ZNF416: variants seen among roughly 807,000 people sequenced by gnomAD.
The protein encoded by ZNF416 is zinc finger protein 416.
ZNF416 carries 5 observed loss-of-function variants against 10.9 expected under a neutral mutation model. That is an observed-to-expected ratio of 0.46 (90% CI 0.24 to 0.97). ZNF416 has a LOEUF of 0.97. Among genes scored for constraint, ZNF416 ranks in the 50% least tolerant of loss-of-function variants. The pLI is 0.19. For synonymous variants in ZNF416, 267 were observed against 251.8 expected, an observed-to-expected ratio of 1.06 and a Z score of -0.57; for missense variants, 675 against 715.0, an observed-to-expected ratio of 0.94 and a Z score of 0.64.
rs754259435 is a variant in ZNF416, at chr19:57,573,476, T to C, written c.428A>G (p.His143Arg). ...ACTTTCCAAGGGTTTCTCTGCACTA[T>C]GATGCTTCTGGTCCTGGTGAAAGAC... ...CAVFHQDQKHHSAEKPLESDM... is the reference protein window; with the variant it reads ...CAVFHQDQKHRSAEKPLESDM... The change falls in exon 4 of 4, where the codon CAT becomes CGT. Residue 143 changes from histidine (H) to arginine (R), a missense_variant. Transcript: ENST00000196489. 1 of 1,614,224 alleles carries C rather than the reference T, an allele frequency of 6.2e-7. No individual in the cohort carries two copies. The highest frequency in any genetic ancestry group is 8.5e-7 in the Non-Finnish European group (1 of 1,180,034).
In ZNF416 at chr19:57,575,084, G is replaced by A. The variant is rs182981159; in HGVS notation, c.202+720C>T. ...GAAGAGGAAGAAAACATAGAAATGA[G>A]ATGTGTCCAGTGGCATTAGCACCAA... On this transcript the variant is annotated intron_variant, in intron 3 of 3. Transcript: ENST00000196489. This position sits in a 1 kb window ranked among gnomAD's most constrained non-coding sequence, Gnocchi z 4.4. Among the ~76,000 whole-genome samples the A allele has an allele frequency of 2.2e-4, 33 of 152,306 alleles. No homozygotes were observed. Among genetic ancestry groups the A allele is most frequent in the Admixed American group, 2.1e-3 (32 of 15,304 alleles).
Position 57,575,881 on chromosome 19 carries a change from C to A in ZNF416, c.125G>T (p.Trp42Leu). Residue 42 changes from tryptophan (W) to leucine (L), a missense_variant, in exon 3 of 4, where the codon TGG becomes TTG. By Grantham distance (61) the Trp-to-Leu change is moderately conservative. Transcript: ENST00000196489. The surrounding 1 kb of genome is among the most constrained non-coding windows in gnomAD (Gnocchi z 4.4). ...DVAIYFSQEE[W>L]GLLDEAQRLL... ...CCTCTGAGCCTCATCAAGGAGCCCCCATTCTTCCTGGGAGAAGTAAATGGC... is the reference window on the plus strand; with the variant it reads ...CCTCTGAGCCTCATCAAGGAGCCCCAATTCTTCCTGGGAGAAGTAAATGGC... The A allele has an allele frequency of 1.2e-6, 2 of 1,614,128 alleles. No homozygotes were observed. Among genetic ancestry groups the A allele is most frequent in the Non-Finnish European group, 8.5e-7 (1 of 1,180,024 alleles).
intron 1 of ZNF416, chr19:57,578,359 G>C (rs933842216): frequency 1.0e-5 from 6 of 575,004 alleles, no homozygotes; most frequent in Non-Finnish European, 1.5e-5. Flanking sequence ...GTCTAACTCA[G>C]ACCATGTGCC....
chr19:57,578,404 C>T (rs530519852), intron 1 of ZNF416: 1 of 524,592 alleles, frequency 1.9e-6, no homozygotes, highest in East Asian at 3.0e-5. Context: ...CTCTCAGCGT[C>T]TTGAAAAGAA....
intron 2 of ZNF416, among the ~76,000 whole-genome samples, chr19:57,576,324 T>C (rs1978532944): frequency 6.6e-6 from 1 of 152,104 alleles, no homozygotes; most frequent in Admixed American, 6.5e-5. Context: ...CATATGCACA[T>C]CACTCTTTGA....
chr19:57,577,350 C>T (rs1262998533), intron 2 of ZNF416, among the ~76,000 whole-genome samples: 1 of 152,216 alleles, frequency 6.6e-6, no homozygotes, highest in Non-Finnish European at 1.5e-5. Flanking sequence ...ACTGACTCTA[C>T]TACCAACTTT....
At position 57,578,678 on chromosome 19, in the gene ZNF416, C is replaced by A; in HGVS notation, c.27G>T (p.Ser9=). The A allele has an allele frequency of 6.4e-7, 1 of 1,555,342 alleles. No homozygotes were observed. Residue 9 remains serine (S), a synonymous_variant, in exon 1 of 4, where the codon TCG becomes TCT. Transcript: ENST00000196489. MAAAVLRD[S]TSVPVTAEAK... ...CGGGAGACGCAGCACTCACCGAAGT[C>A]GAATCCCTAAGCACGGCCGCCGCCA... is the stretch of plus-strand genomic sequence containing the variant.
intron 1 of ZNF416, 186 bp downstream of exon 1, chr19:57,578,486 C>T (rs1978630911): frequency 3.3e-6 from 2 of 603,540 alleles, no homozygotes; most frequent in South Asian, 3.0e-5. Context: ...CAGAAACCGG[C>T]CCCTCCGCCT....
chr19:57,578,634 G>A (rs1263570978), intron 1 of ZNF416, 38 bp downstream of exon 1: 3 of 1,519,790 alleles, frequency 2.0e-6, no homozygotes, highest in African/African-American at 2.8e-5. Context: ...GATTTCCGGC[G>A]GAGAGGGCAG....
In ZNF416 at chr19:57,572,608, G is replaced by A. The variant is rs900753030; in HGVS notation, c.1296C>T (p.His432=). ...KCGLIQHQLI[H]SGARPFECDE... ...CACACTCAAAGGGCCTAGCTCCACTGTGAATTAACTGGTGCTGAATGAGGC... is the reference window on the plus strand; with the variant it reads ...CACACTCAAAGGGCCTAGCTCCACTATGAATTAACTGGTGCTGAATGAGGC... The change falls in exon 4 of 4, where the codon CAC becomes CAT. Residue 432 remains histidine, a synonymous_variant. Transcript: ENST00000196489. The surrounding 1 kb of genome is among the most constrained non-coding windows in gnomAD (Gnocchi z 4.5). 9 of 1,614,042 alleles carry A rather than the reference G, an allele frequency of 5.6e-6. No individual in the cohort carries two copies. Among genetic ancestry groups the A allele is most frequent in the Non-Finnish European group, 7.6e-6 (9 of 1,180,042 alleles).
In ZNF416 at chr19:57,573,254, C is replaced by T; in HGVS notation, c.650G>A (p.Trp217Ter). ...GCTGGACTCTCTCCTGCATTGACTC[C>T]ACTTGTAATGACTTATTCCAACATG... The part of the protein sequence containing the change: ...AFHVGISHYK[W>*]SQCRRESSHK... Residue 217 changes from tryptophan to a stop codon, truncating the protein, a stop_gained, in exon 4 of 4, where the codon TGG becomes TAG. Transcript: ENST00000196489. LOFTEE classifies it low-confidence loss of function (END_TRUNC). 6.2e-7 allele frequency: 1 copy of T among 1,614,242 alleles called. No individual in the cohort carries two copies. The highest frequency in any genetic ancestry group is 8.5e-7 in the Non-Finnish European group (1 of 1,180,048).
chr19:57,578,751 G>C lies in ZNF416; in HGVS notation c.-47C>G. 7.0e-7 allele frequency: 1 copy of C among 1,431,046 alleles called. No individual in the cohort carries two copies. Among genetic ancestry groups the C allele is most frequent in the Non-Finnish European group, 9.2e-7 (1 of 1,085,614 alleles). The allele number at this position is 1,431,046 out of a possible 1,614,324, so 88.6% of individuals were successfully genotyped here. A position where few individuals can be genotyped will look rare whatever the true frequency, so the allele number is the denominator to read the frequency against. ...CCGGGAGCGGCGGGCGACCCGGGGC[G>C]GGAACCCAGGCACGGCTGCCACCAG... On this transcript the variant is annotated 5_prime_UTR_variant, in exon 1 of 4. Transcript: ENST00000196489.
Position 57,573,290 on chromosome 19 carries a change from T to C in ZNF416, c.614A>G (p.Glu205Gly). ...YEKPNKISKC[E>G]EAFHVGISHY... is the part of the protein sequence containing the mutation. ...ACTTATTCCAACATGAAAGGCCTCC[T>C]CACATTTGCTGATTTTGTTTGGCTT... The change falls in exon 4 of 4, where the codon GAG (glutamate) becomes GGG (glycine). Residue 205 changes from glutamate (E) to glycine (G), a missense_variant. By Grantham distance (98) the Glu-to-Gly change is moderately conservative (BLOSUM62 -2). Coordinates refer to ENST00000196489, the MANE Select transcript of ZNF416 (RefSeq NM_017879.3). 1 of 1,614,260 alleles carries C rather than the reference T, an allele frequency of 6.2e-7. No homozygotes were observed. Among genetic ancestry groups the C allele is most frequent in the Non-Finnish European group, 8.5e-7 (1 of 1,180,046 alleles).
intron 3 of ZNF416, among the ~76,000 whole-genome samples, chr19:57,574,873 C>T (rs756084660): frequency 2.6e-5 from 4 of 152,100 alleles, no homozygotes; most frequent in Non-Finnish European, 5.9e-5. Context: ...ATTCCAATTG[C>T]GATCTTGTGT....
rs1028504146 is a variant in ZNF416, at chr19:57,575,559, T to C, written c.202+245A>G. Among the ~76,000 whole-genome samples the C allele has an allele frequency of 6.6e-6, 1 of 152,034 alleles. No homozygotes were observed. Among genetic ancestry groups the C allele is most frequent in the Admixed American group, 6.6e-5 (1 of 15,248 alleles). ...TGGACACAGCCACCCAAAGAGGAAG[T>C]GAAGAAGTAAACGGAGATGCATTAG... is the stretch of plus-strand genomic sequence containing the variant. On this transcript the variant is annotated intron_variant, in intron 3 of 3. Coordinates refer to ENST00000196489, the MANE Select transcript of ZNF416 (RefSeq NM_017879.3). This position sits in a 1 kb window ranked among gnomAD's most constrained non-coding sequence, Gnocchi z 4.4.
At position 57,572,965 on chromosome 19, in the gene ZNF416, G is replaced by A. The variant is rs546819863; in HGVS notation, c.939C>T (p.Leu313=). Residue 313 remains leucine, a synonymous_variant, in exon 4 of 4, where the codon CTC becomes CTT. Coordinates refer to ENST00000196489, the MANE Select transcript of ZNF416 (RefSeq NM_017879.3). The surrounding 1 kb of genome is among the most constrained non-coding windows in gnomAD (Gnocchi z 4.5). ...CAGTGTGAACTCTGTGATGTTTAAT[G>A]AGGGTGGCTCTTTGGCTAAATGATT... ...CGKSFSQRAT[L]IKHHRVHTGE... The A allele has an allele frequency of 2.0e-5, 32 of 1,613,900 alleles. No homozygotes were observed. The East Asian group carries it at 2.9e-4, about 15-fold the overall frequency.
At chr19:57,576,530 T>A (rs1978542688) in intron 2 of ZNF416, among the ~76,000 whole-genome samples, 1 of 152,096 alleles carries the variant, frequency 6.6e-6, no homozygotes, top group Non-Finnish European at 1.5e-5. Context: ...GAGACCCTGC[T>A]CTGAAGGCCT....
Position 57,572,359 on chromosome 19 carries a change from A to C in ZNF416, c.1545T>G (p.Ile515Met). The C allele has an allele frequency of 1.2e-6, 2 of 1,614,184 alleles. No individual in the cohort carries two copies. The highest frequency in any genetic ancestry group is 1.7e-6 in the Non-Finnish European group (2 of 1,180,026). ...QSYTLVEHQK[I>M]HTGLRPYDCG... ...AGTCGTAAGGCCTTAATCCAGTGTGAATTTTCTGGTGTTCAACGAGGGTAT... is the reference window on the plus strand; with the variant it reads ...AGTCGTAAGGCCTTAATCCAGTGTGCATTTTCTGGTGTTCAACGAGGGTAT... The change falls in exon 4 of 4, where the codon ATT (isoleucine) becomes ATG (methionine). Residue 515 changes from isoleucine (I) to methionine (M), a missense_variant. Physicochemically the swap from Ile to Met is conservative, Grantham distance 10 (BLOSUM62 1). Transcript: ENST00000196489. The surrounding 1 kb of genome is among the most constrained non-coding windows in gnomAD (Gnocchi z 4.5).
At position 57,573,149 on chromosome 19, in the gene ZNF416, CA is replaced by C; in HGVS notation, c.754del (p.Cys252AlafsTer34). The C allele has an allele frequency of 6.2e-7, 1 of 1,614,202 alleles. No homozygotes were observed. The highest frequency in any genetic ancestry group is 2.2e-5 in the East Asian group (1 of 44,884). The part of the protein sequence containing the change: ...YESSKCGKAC[C>X]CECSLVQLQR... ...CAGCTGAACAAGGGAGCACTCACAGCAGCAGGCTTTCCCACATTTGCTAGAT... is the reference window on the plus strand; with the variant it reads ...CAGCTGAACAAGGGAGCACTCACAGCGCAGGCTTTCCCACATTTGCTAGAT... On this transcript the variant is annotated frameshift_variant, in exon 4 of 4. Transcript: ENST00000196489. LOFTEE classifies it low-confidence loss of function (END_TRUNC).
Sources: gnomAD v4.1 joint callset for allele counts (sites outside exome capture counted in the v4.1 genomes callset) on GRCh38, gnomAD v4.1.1 for gene constraint, Gnocchi (gnomAD v3.1) non-coding constraint, MANE v1.5 for transcripts, NCBI Gene and HGNC (gene_info 2026-07-23, HGNC 2026-07-21) for gene names.